HTRA3: variants seen among roughly 807,000 people sequenced by gnomAD.
HTRA3 encodes the protein serine protease HTRA3.
A neutral mutation model predicts 43.2 loss-of-function variants in HTRA3; 41 were observed. That is an observed-to-expected ratio of 0.95 (90% CI 0.74 to 1.23). HTRA3 has a LOEUF of 1.23. HTRA3 is among the 50% of genes most tolerant of loss of function. The probability of loss-of-function intolerance (pLI) is 0.00; values close to 1 mark genes in which losing one functional copy is unlikely to be tolerated. For missense variants in HTRA3, 628 were observed against 647.1 expected (o/e 0.97, Z 0.32); for synonymous variants, 295 against 287.9 (o/e 1.02, Z -0.25).
chr4:8,305,174 T>C (rs1409650647), intron 8 of HTRA3, among the ~76,000 whole-genome samples: 1 of 152,202 alleles, frequency 6.6e-6, no homozygotes, highest in Admixed American at 6.5e-5. Flanking sequence ...ACCCACACAG[T>C]TCAGACCCAT....
At chr4:8,275,037 G>A (rs1315545960) in intron 1 of HTRA3, among the ~76,000 whole-genome samples, 7 of 151,896 alleles carry the variant, frequency 4.6e-5, no homozygotes, top group Non-Finnish European at 8.8e-5. Context: ...CTCCTGCCCC[G>A]CCCACTCCCG....
chr4:8,301,138 T>C (rs527429186), intron 6 of HTRA3, among the ~76,000 whole-genome samples: 1 of 132,776 alleles, frequency 7.5e-6, no homozygotes, highest in South Asian at 2.7e-4. Flanking sequence ...CACACTCTTA[T>C]TAGATTCACA....
intron 1 of HTRA3, among the ~76,000 whole-genome samples, chr4:8,271,509 G>A (rs1001086292): frequency 3.3e-5 from 5 of 152,212 alleles, no homozygotes; most frequent in African/African-American, 9.7e-5. Flanking sequence ...AGGATTATGT[G>A]GAAGAGCCAC....
chr4:8,285,762 C>T (rs569481264), intron 2 of HTRA3, among the ~76,000 whole-genome samples: 8 of 152,348 alleles, frequency 5.3e-5, no homozygotes, highest in African/African-American at 7.2e-5. Context: ...AGCTCCACAC[C>T]GTTCACAGAG....
In HTRA3 at chr4:8,283,773, G is replaced by A. The variant is rs144867390; in HGVS notation, c.485+1237G>A. 2.6e-5 allele frequency among the ~76,000 whole-genome samples: 4 copies of A among 152,318 alleles called. No individual in the cohort carries two copies. In the East Asian group the frequency reaches 5.8e-4, roughly 22 times the overall value. ...GCTCCAGGGACTTGCTTGTTTTCAC[G>A]GTACTTTCCCTGAGGCCTCCAGCCT... is the stretch of plus-strand genomic sequence containing the variant. On this transcript the variant is annotated intron_variant, in intron 2 of 8. Coordinates refer to ENST00000307358, the MANE Select transcript of HTRA3 (RefSeq NM_053044.5).
chr4:8,285,794 A>C (rs1272163549), intron 2 of HTRA3, among the ~76,000 whole-genome samples: 2 of 152,224 alleles, frequency 1.3e-5, no homozygotes, highest in African/African-American at 4.8e-5. Flanking sequence ...GGCTGGCCTC[A>C]TCTGTGCCTC....
rs554193779 is a variant in HTRA3, at chr4:8,300,540, T to TA, written c.1052-1922dup. 1.4e-4 allele frequency among the ~76,000 whole-genome samples: 21 copies of TA among 152,348 alleles called. No individual in the cohort carries two copies. In the South Asian group the frequency reaches 4.1e-3, roughly 30 times the overall value. On this transcript the variant is annotated intron_variant, in intron 6 of 8. Coordinates refer to ENST00000307358, the MANE Select transcript of HTRA3 (RefSeq NM_053044.5). The stretch of plus-strand genomic sequence containing the variant: ...CATCAAGTTGTTCACAATATTCTCT[T>TA]ATTATTCTTTTAATATCTGTAGAAT...
At chr4:8,273,253 G>T (rs985828111) in intron 1 of HTRA3, among the ~76,000 whole-genome samples, 1 of 152,204 alleles carries the variant, frequency 6.6e-6, no homozygotes, top group African/African-American at 2.4e-5. Context: ...TGGGCCCCCG[G>T]CTCCATCAGG....
At position 8,306,311 on chromosome 4, in the gene HTRA3, G is replaced by A. The variant is rs1450790949; in HGVS notation, c.*175G>A. The A allele has an allele frequency of 3.2e-6, 2 of 624,640 alleles. No individual in the cohort carries two copies. Among genetic ancestry groups the A allele is most frequent in the Non-Finnish European group, 5.3e-6 (2 of 376,724 alleles). 38.7% of individuals were successfully genotyped at this position (624,640 alleles called of 1,614,324 possible). A position where few individuals can be genotyped will look rare whatever the true frequency, so the allele number is the denominator to read the frequency against. On this transcript the variant is annotated 3_prime_UTR_variant, in exon 9 of 9. Coordinates refer to ENST00000307358, the MANE Select transcript of HTRA3 (RefSeq NM_053044.5). This position sits in a 1 kb window ranked among gnomAD's most constrained non-coding sequence, Gnocchi z 8.9. ...CCAGGGGCCCGAATTTCCGCCTGGG[G>A]AGTGTTGGATCCACATCCCGGTGCC...
chr4:8,269,950 C>A lies in HTRA3; in HGVS notation c.-19C>A. 1 of 1,088,898 alleles carries A rather than the reference C, an allele frequency of 9.2e-7. No homozygotes were observed. Among genetic ancestry groups the A allele is most frequent in the South Asian group, 4.3e-5 (1 of 23,044 alleles). The allele number at this position is 1,088,898 out of a possible 1,614,324, so 67.5% of individuals were successfully genotyped here. On this transcript the variant is annotated 5_prime_UTR_variant, in exon 1 of 9. Transcript: ENST00000307358. The stretch of plus-strand genomic sequence containing the variant: ...CCGCCCGGTCTCCCGCGCTGCCACC[C>A]GCCGCCGGCCCTGCCGCCATGCAGG...
rs1713475126 is a variant in HTRA3, at chr4:8,296,843, AG to A, written c.1051+2646del. The stretch of plus-strand genomic sequence containing the variant: ...CACAAGCCAAGGGAGAGCTGTAGGG[AG>A]GGGAGGGGACAGGGACAAAGACATG... On this transcript the variant is annotated intron_variant, in intron 6 of 8. Transcript: ENST00000307358. The surrounding 1 kb of genome is among the most constrained non-coding windows in gnomAD (Gnocchi z 5.3). 6.6e-6 allele frequency among the ~76,000 whole-genome samples: 1 copy of A among 152,206 alleles called. No individual in the cohort carries two copies. Among genetic ancestry groups the A allele is most frequent in the South Asian group, 2.1e-4 (1 of 4,830 alleles).
At chr4:8,298,073 A>G (rs1392755808) in intron 6 of HTRA3, among the ~76,000 whole-genome samples, 1 of 152,206 alleles carries the variant, frequency 6.6e-6, no homozygotes, top group Non-Finnish European at 1.5e-5. Context: ...CTCCGGGTCC[A>G]GCACCGGGGC....
At chr4:8,300,042 G>A (rs990114527) in intron 6 of HTRA3, among the ~76,000 whole-genome samples, 5 of 152,156 alleles carry the variant, frequency 3.3e-5, no homozygotes, top group African/African-American at 1.2e-4. Context: ...GTTTCACCAT[G>A]TTGGCCAGGC....
In HTRA3 at chr4:8,296,082, G is replaced by A. The variant is rs1713443592; in HGVS notation, c.1051+1881G>A. ...CCTGTTGAATTATCCCATTCTCCATGGGTGCCTTTGACTTTGGCCTCCTTA... is the reference window on the plus strand; with the variant it reads ...CCTGTTGAATTATCCCATTCTCCATAGGTGCCTTTGACTTTGGCCTCCTTA... On this transcript the variant is annotated intron_variant, in intron 6 of 8. Transcript: ENST00000307358. The surrounding 1 kb of genome is among the most constrained non-coding windows in gnomAD (Gnocchi z 5.3). The A allele has an allele frequency of 9.6e-7, 1 of 1,044,190 alleles. No individual in the cohort carries two copies. Among genetic ancestry groups the A allele is most frequent in the Non-Finnish European group, 1.2e-6 (1 of 868,794 alleles). 64.7% of individuals were successfully genotyped at this position (1,044,190 alleles called of 1,614,324 possible).
intron 3 of HTRA3, 75 bp from the exon 4 acceptor site, chr4:8,291,295 A>G: frequency 7.6e-7 from 1 of 1,318,196 alleles, no homozygotes; most frequent in Non-Finnish European, 1.1e-6. Context: ...CCCCCCTGCC[A>G]GGATCTGACT....
chr4:8,271,466 G>T (rs1402496697), intron 1 of HTRA3, among the ~76,000 whole-genome samples: 1 of 152,200 alleles, frequency 6.6e-6, no homozygotes, highest in Non-Finnish European at 1.5e-5. Context: ...GTTCCTGGGA[G>T]CCCCGTGTGG....
chr4:8,299,757 T>C (rs1381915469), intron 6 of HTRA3, among the ~76,000 whole-genome samples: 3 of 152,200 alleles, frequency 2.0e-5, no homozygotes, highest in African/African-American at 4.8e-5. Context: ...ATGTGGTAAA[T>C]TGCATTGGTT....
chr4:8,274,738 C>A (rs956063584), intron 1 of HTRA3, among the ~76,000 whole-genome samples: 1 of 152,208 alleles, frequency 6.6e-6, no homozygotes, highest in Non-Finnish European at 1.5e-5. Context: ...TTTCCCTTTG[C>A]GCGTAACCAG....
chr4:8,295,934 A>G lies in HTRA3; in HGVS notation c.1051+1733A>G, dbSNP rs894662267. 1 of 1,225,856 alleles carries G rather than the reference A, an allele frequency of 8.2e-7. No individual in the cohort carries two copies. The highest frequency in any genetic ancestry group is 1.0e-6 in the Non-Finnish European group (1 of 983,344). 75.9% of individuals were successfully genotyped at this position (1,225,856 alleles called of 1,614,324 possible). On this transcript the variant is annotated intron_variant, in intron 6 of 8. Coordinates refer to ENST00000307358, the MANE Select transcript of HTRA3 (RefSeq NM_053044.5). This position sits in a 1 kb window ranked among gnomAD's most constrained non-coding sequence, Gnocchi z 6.9. ...AGAAGCTGAAGTCTTCTTCTCTTGA[A>G]CAGTGGGGACCATCTAATCTCTTGA...
Sources: allele counts gnomAD v4.1 joint callset (sites outside exome capture counted in the v4.1 genomes callset), GRCh38; gene constraint gnomAD v4.1.1; non-coding constraint Gnocchi (gnomAD v3.1); transcripts MANE v1.5; gene names NCBI Gene and HGNC (gene_info 2026-07-23, HGNC 2026-07-21).